Variants in C10orf67 observed in about 807,000 individuals in gnomAD.
The protein encoded by C10orf67 is chromosome 10 open reading frame 67, also known as uncharacterized protein C10orf67, mitochondrial.
Under a neutral mutation model 35.6 loss-of-function variants are expected in C10orf67, and 60 were observed. The ratio of observed to expected loss-of-function variants is 1.68; its 90% CI spans 1.37 to 2.09. The LOEUF (loss-of-function observed/expected upper bound fraction) is 2.09. Ranked by LOEUF, C10orf67 falls within the 30% of genes most tolerant of loss-of-function variation. C10orf67 has a pLI of 0.00. For missense variants in C10orf67, 474 were observed against 330.2 expected (o/e 1.44, Z -3.38); for synonymous variants, 167 against 115.8 (o/e 1.44, Z -2.84).
chr10:23,295,475 C>T (rs1297422153), intron 5 of C10orf67, among the ~76,000 whole-genome samples: 1 of 152,192 alleles, frequency 6.6e-6, no homozygotes, highest in Non-Finnish European at 1.5e-5. Flanking sequence ...AAACGGATGG[C>T]CATAAGGATT....
intron 15 of C10orf67, among the ~76,000 whole-genome samples, chr10:23,209,467 G>A (rs907745853): frequency 6.6e-6 from 1 of 152,118 alleles, no homozygotes; most frequent in Non-Finnish European, 1.5e-5. Flanking sequence ...CTAATGTACA[G>A]CAGAGTAACT....
intron 4 of C10orf67, among the ~76,000 whole-genome samples, chr10:23,319,283 T>C (rs1397990488): frequency 1.3e-5 from 2 of 152,180 alleles, no homozygotes; most frequent in Admixed American, 1.3e-4. Flanking sequence ...AATATTAATT[T>C]GTTTAGAATA....
chr10:23,273,019 T>G lies in C10orf67; in HGVS notation c.976-5765A>C, dbSNP rs78418019. Among the ~76,000 whole-genome samples, 486 of 152,344 alleles carry G rather than the reference T, an allele frequency of 3.2e-3. 14 individuals carry two copies. The East Asian group carries it at 0.049, about 15-fold the overall frequency. On this transcript the variant is annotated intron_variant, in intron 8 of 15. Transcript: ENST00000636213. ...TTGCTTATATATAGAAGTACAAGAT[T>G]TTTGTATCTTGATCTTTGCAACCTT... is the stretch of plus-strand genomic sequence containing the variant.
chr10:23,243,770 A>G lies in C10orf67; in HGVS notation c.1347-3954T>C, dbSNP rs752010112. Among the ~76,000 whole-genome samples, 6 of 152,276 alleles carry G rather than the reference A, an allele frequency of 3.9e-5. No individual in the cohort carries two copies. In the South Asian group the frequency reaches 8.3e-4, roughly 21 times the overall value. Reference sequence around the variant, plus strand: ...CCATAGCTTGAACCATAAAACAAACATGAAGACCATGAAGACATTTTAACA... The same window carrying G: ...CCATAGCTTGAACCATAAAACAAACGTGAAGACCATGAAGACATTTTAACA... On this transcript the variant is annotated intron_variant, in intron 12 of 15. Coordinates refer to ENST00000636213, the MANE Select transcript of C10orf67 (RefSeq NM_001371909.1).
rs535176802 is a variant in C10orf67, at chr10:23,207,380, C to G, written c.1571-3125G>C. 1.3e-3 allele frequency among the ~76,000 whole-genome samples: 201 copies of G among 152,234 alleles called. 1 individual carries two copies. The highest frequency in any genetic ancestry group is 4.5e-3 in the African/African-American group (189 of 41,550). On this transcript the variant is annotated intron_variant, in intron 15 of 15. Transcript: ENST00000636213. ...GAAGGTTGCTAATTTTTTAGAATGA[C>G]GCTGTACAAAAACTTTTATTTTTTG...
rs1372738654 is a variant in C10orf67, at chr10:23,250,459, T to C, written c.1342A>G (p.Asn448Asp). 5.0e-6 allele frequency: 2 copies of C among 398,450 alleles called. No homozygotes were observed. Among genetic ancestry groups the C allele is most frequent in the African/African-American group, 4.1e-5 (2 of 48,626 alleles). The allele number at this position is 398,450 out of a possible 1,614,324, so 24.7% of individuals were successfully genotyped here. A position where few individuals can be genotyped will look rare whatever the true frequency, so the allele number is the denominator to read the frequency against. Reference protein sequence around the residue: ...SWEKRFFILRNSFHVLKNEMF... With the variant: ...SWEKRFFILRDSFHVLKNEMF... ...TTTGTATATTTCACACCATACCTGT[T>C]CCTGAGAATAAAGAATCTCTTTTCC... Residue 448 changes from asparagine to aspartate, a missense_variant, in exon 12 of 16, where the codon AAC becomes GAC. Coordinates refer to ENST00000636213, the MANE Select transcript of C10orf67 (RefSeq NM_001371909.1).
intron 5 of C10orf67, among the ~76,000 whole-genome samples, chr10:23,299,567 A>T (rs888674281): frequency 1.8e-4 from 28 of 152,174 alleles, no homozygotes; most frequent in Non-Finnish European, 3.7e-4. Context: ...GCATGTGAAA[A>T]GAGTAAAGTT....
chr10:23,342,145 CAG>C (rs1315951370), intron 1 of C10orf67, among the ~76,000 whole-genome samples: 1 of 151,920 alleles, frequency 6.6e-6, no homozygotes, highest in Non-Finnish European at 1.5e-5. Flanking sequence ...GCCTGGGTGA[CAG>C]AGTGAGACCC....
intron 2 of C10orf67, among the ~76,000 whole-genome samples, chr10:23,323,688 A>G (rs570731127): frequency 1.3e-5 from 2 of 151,132 alleles, no homozygotes; most frequent in South Asian, 2.1e-4. Context: ...AAGTGGACAG[A>G]TCACCTGAAG....
intron 1 of C10orf67, among the ~76,000 whole-genome samples, chr10:23,339,255 A>C (rs1845795311): frequency 6.6e-6 from 1 of 152,122 alleles, no homozygotes; most frequent in Non-Finnish European, 1.5e-5. Flanking sequence ...TACTGGCTGA[A>C]GTGGATTGAT....
chr10:23,238,039 C>T (rs1179746051), intron 13 of C10orf67, among the ~76,000 whole-genome samples: 2 of 152,140 alleles, frequency 1.3e-5, no homozygotes, highest in African/African-American at 4.8e-5. Context: ...CACTGTAGAT[C>T]AGGCACTATT....
intron 7 of C10orf67, among the ~76,000 whole-genome samples, chr10:23,285,979 C>A (rs1843513889): frequency 6.6e-6 from 1 of 152,168 alleles, no homozygotes; most frequent in South Asian, 2.1e-4. Flanking sequence ...TGGTGGCTTA[C>A]CAGTGAGATT....
At chr10:23,343,943 G>T in intron 1 of C10orf67, 2 of 466,984 alleles carry the variant, frequency 4.3e-6, no homozygotes, top group Non-Finnish European at 8.9e-6. Context: ...GAGGCCTCGA[G>T]GCCCTCCATG....
chr10:23,275,733 T>A (rs1843169432), intron 8 of C10orf67, among the ~76,000 whole-genome samples: 1 of 152,124 alleles, frequency 6.6e-6, no homozygotes, highest in Admixed American at 6.5e-5. Flanking sequence ...CCCTTGATGT[T>A]TGACTTTTGA....
intron 4 of C10orf67, among the ~76,000 whole-genome samples, chr10:23,311,759 A>T (rs1844509115): frequency 6.6e-6 from 1 of 152,198 alleles, no homozygotes; most frequent in East Asian, 1.9e-4. Context: ...AACAACATCA[A>T]AATAGTTACT....
chr10:23,268,171 T>G (rs1326459672), intron 8 of C10orf67, among the ~76,000 whole-genome samples: 1 of 152,094 alleles, frequency 6.6e-6, no homozygotes, highest in Non-Finnish European at 1.5e-5. Flanking sequence ...GGTGTGTACC[T>G]ATAGTCCCAG....
intron 13 of C10orf67, among the ~76,000 whole-genome samples, chr10:23,227,976 A>G (rs980517550): frequency 3.9e-5 from 6 of 152,280 alleles, no homozygotes; most frequent in Non-Finnish European, 7.4e-5. Context: ...ATGCTCATGG[A>G]TAGGAAGAAT....
rs142155844 is a variant in C10orf67, at chr10:23,241,963, AT to A, written c.1347-2148del. ...CAACAATGAAGGCCAAAGAACTGAC[AT>A]TTTTTTTTTTTAATTTACTCATTTT... On this transcript the variant is annotated intron_variant, in intron 12 of 15. Coordinates refer to ENST00000636213, the MANE Select transcript of C10orf67 (RefSeq NM_001371909.1). Among the ~76,000 whole-genome samples, 546 of 148,666 alleles carry A rather than the reference AT, an allele frequency of 3.7e-3. 1 individual carries two copies. Among genetic ancestry groups the A allele is most frequent in the Non-Finnish European group, 3.3e-3 (219 of 66,974 alleles).
At chr10:23,211,509 A>AAC (rs1223959240) in intron 15 of C10orf67, among the ~76,000 whole-genome samples, 4 of 150,970 alleles carry the variant, frequency 2.6e-5, no homozygotes, top group Non-Finnish European at 5.9e-5. Flanking sequence ...TTCAACCCGT[A>AAC]ACACACACTT....
Sources: allele counts gnomAD v4.1 joint callset (sites outside exome capture counted in the v4.1 genomes callset), GRCh38; gene constraint gnomAD v4.1.1; transcripts MANE v1.5; gene names NCBI Gene and HGNC (gene_info 2026-07-23, HGNC 2026-07-21).